Variants in CNTNAP2 observed in about 807,000 individuals in gnomAD.
CNTNAP2 encodes the protein contactin-associated protein-like 2.
In CNTNAP2, 98 loss-of-function variants were observed where a neutral mutation model predicts 155.2. The ratio of observed to expected loss-of-function variants is 0.63; its 90% CI spans 0.54 to 0.75. CNTNAP2 has a LOEUF of 0.75. CNTNAP2 is among the 30% of genes least tolerant of loss of function. The pLI is 0.00. For missense variants in CNTNAP2, 1,727 were observed against 1,688.1 expected, an observed-to-expected ratio of 1.02 and a Z score of -0.40; for synonymous variants, 651 against 631.2, an observed-to-expected ratio of 1.03 and a Z score of -0.47.
Position 147,305,171 on chromosome 7 carries a change from C to T in CNTNAP2, c.1498+4881C>T, listed in dbSNP as rs527393160. On this transcript the variant is annotated intron_variant, in intron 9 of 23. Transcript: ENST00000361727. ...AGTCTATAATAATGGCCTCTCAATC[C>T]TCATTGAAATAGACCATGGATTTTA... 2.6e-5 allele frequency among the ~76,000 whole-genome samples: 4 copies of T among 152,228 alleles called. No individual in the cohort carries two copies. In the South Asian group the frequency reaches 8.3e-4, roughly 32 times the overall value.
chr7:148,420,356 A>G lies in CNTNAP2; in HGVS notation c.*4740A>G, dbSNP rs1192412577. The G allele has an allele frequency of 2.0e-5, 3 of 152,204 alleles. No homozygotes were observed. The highest frequency in any genetic ancestry group is 1.9e-4 in the East Asian group (1 of 5,194). The allele number at this position is 152,204 out of a possible 1,614,324, so 9.4% of individuals were successfully genotyped here. On this transcript the variant is annotated 3_prime_UTR_variant, in exon 24 of 24. Transcript: ENST00000361727. ...ATGTACCCTGCATGGTAGTGCTGCA[A>G]ACTTTAAAGTACATTTCTTTCACAG...
At chr7:146,129,400 T>C (rs1797683159) in intron 1 of CNTNAP2, among the ~76,000 whole-genome samples, 1 of 152,190 alleles carries the variant, frequency 6.6e-6, no homozygotes, top group African/African-American at 2.4e-5. Flanking sequence ...TCTCATGCTG[T>C]GTTTGTTTCC....
chr7:147,160,976 T>C (rs1484982914), intron 8 of CNTNAP2, among the ~76,000 whole-genome samples: 1 of 152,132 alleles, frequency 6.6e-6, no homozygotes, highest in Non-Finnish European at 1.5e-5. Context: ...TGAAATATTT[T>C]GGAAATAACT....
At chr7:147,152,327 A>G (rs1168337428) in intron 8 of CNTNAP2, among the ~76,000 whole-genome samples, 1 of 152,006 alleles carries the variant, frequency 6.6e-6, no homozygotes, top group Admixed American at 6.6e-5. Flanking sequence ...GGTTAATTAC[A>G]TAGACTCTAG....
intron 14 of CNTNAP2, among the ~76,000 whole-genome samples, chr7:147,931,207 T>TA (rs36112535): frequency 0.3 from 37,118 of 124,528 alleles, 6,317 homozygotes; most frequent in African/African-American, 0.52. Flanking sequence ...ATAAACAGAG[T>TA]AAAAAAAAAA....
intron 13 of CNTNAP2, among the ~76,000 whole-genome samples, chr7:147,680,037 T>C (rs539675886): frequency 1.3e-5 from 2 of 151,974 alleles, no homozygotes; most frequent in African/African-American, 4.8e-5. Context: ...CCTTAAACTG[T>C]GATCTGTAAC....
intron 1 of CNTNAP2, among the ~76,000 whole-genome samples, chr7:146,376,654 C>T (rs1795308099): frequency 6.6e-6 from 1 of 152,042 alleles, no homozygotes; most frequent in Non-Finnish European, 1.5e-5. Context: ...TTCTCATGCC[C>T]CATGACTTAT....
intron 13 of CNTNAP2, among the ~76,000 whole-genome samples, chr7:147,849,675 C>T (rs962404211): frequency 1.3e-5 from 2 of 152,224 alleles, no homozygotes; most frequent in African/African-American, 4.8e-5. Context: ...CCTGAATAAG[C>T]TGTTCTCCAG....
chr7:147,151,146 G>T (rs1384344120), intron 8 of CNTNAP2, among the ~76,000 whole-genome samples: 1 of 152,146 alleles, frequency 6.6e-6, no homozygotes, highest in African/African-American at 2.4e-5. Context: ...GATAGCCATG[G>T]ATATGTGAGA....
intron 8 of CNTNAP2, among the ~76,000 whole-genome samples, chr7:147,158,905 A>C (rs1021582414): frequency 6.6e-6 from 1 of 152,146 alleles, no homozygotes; most frequent in Non-Finnish European, 1.5e-5. Flanking sequence ...AAATTACAAT[A>C]CAGTGTAATA....
chr7:147,159,858 G>A lies in CNTNAP2; in HGVS notation c.1348+27349G>A, dbSNP rs189375230. ...CGAAACTGATAAATCTTCAAATAAA[G>A]TGCAGAAACCTTAATTAAGAAATTG... On this transcript the variant is annotated intron_variant, in intron 8 of 23. Coordinates refer to ENST00000361727, the MANE Select transcript of CNTNAP2 (RefSeq NM_014141.6). Among the ~76,000 whole-genome samples, 204 of 152,196 alleles carry A rather than the reference G, an allele frequency of 1.3e-3. 1 individual carries two copies. The highest frequency in any genetic ancestry group is 4.8e-3 in the African/African-American group (201 of 41,564).
At chr7:146,910,556 A>G (rs1027346045) in intron 3 of CNTNAP2, among the ~76,000 whole-genome samples, 55 of 151,530 alleles carry the variant, frequency 3.6e-4, no homozygotes, top group Non-Finnish European at 2.6e-4. Context: ...CATTGGGGAA[A>G]GGATTCCCTA....
intron 13 of CNTNAP2, among the ~76,000 whole-genome samples, chr7:147,735,996 T>C (rs950070873): frequency 4.2e-5 from 6 of 144,092 alleles, no homozygotes; most frequent in African/African-American, 1.2e-4. Flanking sequence ...TCTGTGTCTT[T>C]TAATTGGAGC....
chr7:147,374,762 GC>G (rs1563180477), intron 9 of CNTNAP2, among the ~76,000 whole-genome samples: 1 of 151,900 alleles, frequency 6.6e-6, no homozygotes, highest in Non-Finnish European at 1.5e-5. Flanking sequence ...CTTTTGAGGG[GC>G]CCTTTTCCTG....
At chr7:147,012,243 T>C (rs1798640994) in intron 3 of CNTNAP2, among the ~76,000 whole-genome samples, 1 of 152,116 alleles carries the variant, frequency 6.6e-6, no homozygotes, top group African/African-American at 2.4e-5. Flanking sequence ...GTGCATTAGA[T>C]AGTAGTAATA....
intron 1 of CNTNAP2, among the ~76,000 whole-genome samples, chr7:146,205,846 T>A (rs1353061014): frequency 6.6e-6 from 1 of 151,936 alleles, no homozygotes; most frequent in Non-Finnish European, 1.5e-5. Context: ...AGATTAAGTT[T>A]TGTATACAGA....
At chr7:148,266,643 A>C (rs139207343) in intron 20 of CNTNAP2, among the ~76,000 whole-genome samples, 168 of 152,200 alleles carry the variant, frequency 1.1e-3, no homozygotes, top group African/African-American at 3.9e-3. Flanking sequence ...CATGTCACAA[A>C]ATAAAATGTT....
intron 17 of CNTNAP2, among the ~76,000 whole-genome samples, chr7:148,156,080 A>T (rs940202484): frequency 2.0e-5 from 3 of 152,208 alleles, no homozygotes; most frequent in African/African-American, 4.8e-5. Flanking sequence ...GGCTGGTATT[A>T]TGCAGATTAT....
chr7:146,664,944 C>G (rs1326191567), intron 1 of CNTNAP2, among the ~76,000 whole-genome samples: 3 of 151,974 alleles, frequency 2.0e-5, no homozygotes, highest in Admixed American at 6.6e-5. Flanking sequence ...CTCTTGTTAT[C>G]CTTTTTGTTT....
Sources: allele counts gnomAD v4.1 joint callset (sites outside exome capture counted in the v4.1 genomes callset), GRCh38; gene constraint gnomAD v4.1.1; transcripts MANE v1.5; gene names NCBI Gene and HGNC (gene_info 2026-07-23, HGNC 2026-07-21).